Variants in EPS8 observed in about 807,000 individuals in gnomAD.
EPS8 encodes the protein EGFR pathway substrate 8, signaling adaptor, also known as epidermal growth factor receptor kinase substrate 8.
A neutral mutation model predicts 103.8 loss-of-function variants in EPS8; 42 were observed. That is an observed-to-expected ratio of 0.40 (90% CI 0.32 to 0.52). The LOEUF is 0.52. EPS8 is among the 20% of genes least tolerant of loss of function. The pLI, the probability that EPS8 is intolerant of heterozygous loss-of-function variation, is 0.40. For synonymous variants in EPS8, 344 were observed against 344.6 expected, an observed-to-expected ratio of 1.00 and a Z score of 0.02; for missense variants, 969 against 1,005.1, an observed-to-expected ratio of 0.96 and a Z score of 0.49.
intron 1 of EPS8, among the ~76,000 whole-genome samples, chr12:15,770,639 G>C (rs1947144621): frequency 6.6e-6 from 1 of 152,196 alleles, no homozygotes; most frequent in Non-Finnish European, 1.5e-5. Context: ...TTAAATCTGT[G>C]AGATGTTAAA....
intron 1 of EPS8, among the ~76,000 whole-genome samples, chr12:15,719,775 C>A (rs1160491420): frequency 6.6e-6 from 1 of 152,196 alleles, no homozygotes; most frequent in Non-Finnish European, 1.5e-5. Flanking sequence ...AATGCTTATT[C>A]TCCTAACCAA....
At position 15,716,968 on chromosome 12, in the gene EPS8, T is replaced by A. The variant is rs1946539313; in HGVS notation, c.-21-33996A>T. Among the ~76,000 whole-genome samples the A allele has an allele frequency of 1.3e-5, 2 of 152,196 alleles. No individual in the cohort carries two copies. Among genetic ancestry groups the A allele is most frequent in the South Asian group, 4.1e-4 (2 of 4,832 alleles). On this transcript the variant is annotated intron_variant, in intron 1 of 20. Transcript: ENST00000281172. This position sits in a 1 kb window ranked among gnomAD's most constrained non-coding sequence, Gnocchi z 5.0. Reference sequence around the variant, plus strand: ...TCCTTCTCCTAACTTTAATACCTTTTTCAGTGAGAGTAAGAAACCCAAAAG... The same window carrying A: ...TCCTTCTCCTAACTTTAATACCTTTATCAGTGAGAGTAAGAAACCCAAAAG...
intron 1 of EPS8, among the ~76,000 whole-genome samples, chr12:15,709,679 C>T (rs777114836): frequency 6.6e-6 from 1 of 152,174 alleles, no homozygotes; most frequent in Non-Finnish European, 1.5e-5. Flanking sequence ...CTTTGGAATG[C>T]CAGGCCAGAG....
chr12:15,689,720 T>C (rs944255418), intron 1 of EPS8, among the ~76,000 whole-genome samples: 3 of 152,198 alleles, frequency 2.0e-5, no homozygotes, highest in African/African-American at 7.2e-5. Flanking sequence ...TGCTGTGCAA[T>C]TGGTCACCAG....
At chr12:15,657,326 T>C (rs956658810) in intron 12 of EPS8, among the ~76,000 whole-genome samples, 22 of 152,190 alleles carry the variant, frequency 1.4e-4, no homozygotes, top group African/African-American at 1.7e-4. Flanking sequence ...AGGCTTCCTT[T>C]AACCAACCCT....
intron 1 of EPS8, among the ~76,000 whole-genome samples, chr12:15,726,210 T>C (rs1220626140): frequency 6.6e-6 from 1 of 152,034 alleles, no homozygotes; most frequent in Non-Finnish European, 1.5e-5. Context: ...GCCTTTTTTT[T>C]CAGATGAAGG....
rs1946665724 is a variant in EPS8, at chr12:15,727,455, A to G, written c.-21-44483T>C. Among the ~76,000 whole-genome samples the G allele has an allele frequency of 6.6e-6, 1 of 152,224 alleles. No homozygotes were observed. The highest frequency in any genetic ancestry group is 2.4e-5 in the African/African-American group (1 of 41,456). On this transcript the variant is annotated intron_variant, in intron 1 of 20. Transcript: ENST00000281172. The surrounding 1 kb of genome is among the most constrained non-coding windows in gnomAD (Gnocchi z 4.3). ...TTAAACATAATTGAAACACTTTAAT[A>G]TTTCCTTTAATGTTGGTAGATACTA...
rs530391491 is a variant in EPS8, at chr12:15,721,965, C to A, written c.-21-38993G>T. Among the ~76,000 whole-genome samples, 120 of 150,780 alleles carry A rather than the reference C, an allele frequency of 8.0e-4. No homozygotes were observed. The highest frequency in any genetic ancestry group is 1.5e-3 in the Non-Finnish European group (100 of 67,776). On this transcript the variant is annotated intron_variant, in intron 1 of 20. Coordinates refer to ENST00000281172, the MANE Select transcript of EPS8 (RefSeq NM_004447.6). The surrounding 1 kb of genome is among the most constrained non-coding windows in gnomAD (Gnocchi z 4.4). ...AAATTTTTCTAGTTTTTTTTTAATG[C>A]ATACATACTTTTTTTTTTCAAAGGG...
In EPS8 at chr12:15,661,969, T is replaced by C. The variant is rs1945612901; in HGVS notation, c.810+57A>G. The C allele has an allele frequency of 3.2e-6, 4 of 1,266,372 alleles. No homozygotes were observed. In the East Asian group the frequency reaches 7.0e-5, roughly 22 times the overall value. 78.4% of individuals were successfully genotyped at this position (1,266,372 alleles called of 1,614,324 possible). The stretch of plus-strand genomic sequence containing the variant: ...AAATCAGCTTCATTTTCTTATGAAG[T>C]TTTCTTTTTCCTCTTAAAAGAAAAG... On this transcript the variant is annotated intron_variant, in intron 9 of 20. Transcript: ENST00000281172.
intron 1 of EPS8, among the ~76,000 whole-genome samples, chr12:15,694,410 G>A (rs563122273): frequency 2.0e-5 from 3 of 152,132 alleles, no homozygotes; most frequent in Non-Finnish European, 4.4e-5. Context: ...ATACGCTAAA[G>A]CATGGACGTG....
rs1591864301 is a variant in EPS8, at chr12:15,693,673, G to A, written c.-21-10701C>T. 6.6e-6 allele frequency among the ~76,000 whole-genome samples: 1 copy of A among 152,128 alleles called. No homozygotes were observed. The highest frequency in any genetic ancestry group is 1.5e-5 in the Non-Finnish European group (1 of 68,020). On this transcript the variant is annotated intron_variant, in intron 1 of 20. Transcript: ENST00000281172. The surrounding 1 kb of genome is among the most constrained non-coding windows in gnomAD (Gnocchi z 5.6). Reference sequence around the variant, plus strand: ...TACTGTTATTTTATTTGGAGGAAGTGAAATAAATGCATATACCACCATGGA... The same window carrying A: ...TACTGTTATTTTATTTGGAGGAAGTAAAATAAATGCATATACCACCATGGA...
intron 17 of EPS8, among the ~76,000 whole-genome samples, chr12:15,635,982 T>C (rs1945127326): frequency 6.6e-6 from 1 of 152,112 alleles, no homozygotes; most frequent in African/African-American, 2.4e-5. Context: ...ATTAAGAATA[T>C]ATGAAAGACT....
intron 1 of EPS8, among the ~76,000 whole-genome samples, chr12:15,763,223 G>A (rs1472624658): frequency 1.3e-5 from 2 of 152,136 alleles, no homozygotes; most frequent in Non-Finnish European, 2.9e-5. Flanking sequence ...ACCTGGATAG[G>A]AGGGAAAATG....
At chr12:15,708,011 TG>T (rs1355728368) in intron 1 of EPS8, among the ~76,000 whole-genome samples, 4 of 152,254 alleles carry the variant, frequency 2.6e-5, no homozygotes, top group Non-Finnish European at 4.4e-5. Context: ...CTGCCTATGA[TG>T]ATCTGTGCAT....
rs1435109873 is a variant in EPS8 at position 15,631,367 on chromosome 12, C to T, written c.2044+75G>A. On this transcript the variant is annotated intron_variant, in intron 18 of 20. Coordinates refer to ENST00000281172, the MANE Select transcript of EPS8 (RefSeq NM_004447.6). ...TAAAGGACTTTAATACAAGTAGAAT[C>T]AGCAGTAAACAATATTTTACTTAGT... 5.0e-6 allele frequency: 8 copies of T among 1,585,598 alleles called. No individual in the cohort carries two copies. In the Admixed American group the frequency reaches 1.4e-4, roughly 27 times the overall value.
chr12:15,746,452 T>G lies in EPS8; in HGVS notation c.-22+42709A>C, dbSNP rs147760267. On this transcript the variant is annotated intron_variant, in intron 1 of 20. Coordinates refer to ENST00000281172, the MANE Select transcript of EPS8 (RefSeq NM_004447.6). ...ACTCTAGCCATTGATGACTCCATCA[T>G]CACATGTCTGGATAATCAAAATGAG... is the stretch of plus-strand genomic sequence containing the variant. Among the ~76,000 whole-genome samples the G allele has an allele frequency of 1.1e-3, 174 of 152,258 alleles. 1 individual carries two copies. Among genetic ancestry groups the G allele is most frequent in the African/African-American group, 4.0e-3 (166 of 41,556 alleles).
chr12:15,663,386 G>T (rs1945641960), intron 8 of EPS8, among the ~76,000 whole-genome samples: 1 of 152,070 alleles, frequency 6.6e-6, no homozygotes, highest in South Asian at 2.1e-4. Context: ...AAGCAGTTCA[G>T]CCTGAGTCAG....
intron 1 of EPS8, among the ~76,000 whole-genome samples, chr12:15,754,262 C>T (rs1271762445): frequency 6.6e-6 from 1 of 151,838 alleles, no homozygotes; most frequent in Non-Finnish European, 1.5e-5. Flanking sequence ...TTAAATGACT[C>T]TTGTTCTATA....
chr12:15,640,098 T>C (rs1443665614), intron 17 of EPS8, among the ~76,000 whole-genome samples: 4 of 152,224 alleles, frequency 2.6e-5, no homozygotes, highest in African/African-American at 4.8e-5. Flanking sequence ...GCATGGGCCA[T>C]AAGAATGGAC....
Sources: allele counts gnomAD v4.1 joint callset (sites outside exome capture counted in the v4.1 genomes callset), GRCh38; gene constraint gnomAD v4.1.1; non-coding constraint Gnocchi (gnomAD v3.1); transcripts MANE v1.5; gene names NCBI Gene and HGNC (gene_info 2026-07-23, HGNC 2026-07-21).